CNTNAP2: variants seen among roughly 807,000 people sequenced by gnomAD.
The protein encoded by CNTNAP2 is contactin-associated protein-like 2.
A neutral mutation model predicts 155.2 loss-of-function variants in CNTNAP2; 98 were observed. That is an observed-to-expected ratio of 0.63 (90% confidence interval 0.54 to 0.75). The LOEUF (loss-of-function observed/expected upper bound fraction) is 0.75, where lower values mean the gene tolerates loss of function less well. Among genes scored for constraint, CNTNAP2 ranks in the 30% least tolerant of loss-of-function variants. The pLI is 0.00. For synonymous variants in CNTNAP2, 651 were observed against 631.2 expected (o/e 1.03, Z -0.47); for missense variants, 1,727 against 1,688.1 (o/e 1.02, Z -0.40).
At position 147,849,065 on chromosome 7, in the gene CNTNAP2, T is replaced by C. The variant is rs1023555809; in HGVS notation, c.2099-54500T>C. ...TTCAGTAAAATTTCTCCTAGAGGTA[T>C]AGTAAATATGATTGATTTAATACAT... On this transcript the variant is annotated intron_variant, in intron 13 of 23. Coordinates refer to ENST00000361727, the MANE Select transcript of CNTNAP2 (RefSeq NM_014141.6). 2.0e-5 allele frequency among the ~76,000 whole-genome samples: 3 copies of C among 152,304 alleles called. No homozygotes were observed. In the East Asian group the frequency reaches 5.8e-4, roughly 29 times the overall value.
intron 10 of CNTNAP2, among the ~76,000 whole-genome samples, chr7:147,397,024 T>A (rs971688289): frequency 6.6e-6 from 1 of 152,048 alleles, no homozygotes; most frequent in Non-Finnish European, 1.5e-5. Flanking sequence ...TAAGTTTGCT[T>A]TCATAAAATC....
intron 9 of CNTNAP2, among the ~76,000 whole-genome samples, chr7:147,339,438 AC>A (rs1795721546): frequency 6.6e-6 from 1 of 152,122 alleles, no homozygotes; most frequent in Admixed American, 6.6e-5. Context: ...TCTGCTTTCC[AC>A]CATGAGTGGA....
At chr7:147,180,628 C>T (rs963009386) in intron 8 of CNTNAP2, among the ~76,000 whole-genome samples, 1 of 151,994 alleles carries the variant, frequency 6.6e-6, no homozygotes. Context: ...TTAGTAAGAG[C>T]AGCCATTAAA....
At chr7:148,096,951 C>T (rs1803984742) in intron 15 of CNTNAP2, among the ~76,000 whole-genome samples, 1 of 152,100 alleles carries the variant, frequency 6.6e-6, no homozygotes. Context: ...TGGTTAGTGC[C>T]TGACCTTCCT....
intron 14 of CNTNAP2, chr7:147,939,928 T>G (rs1399340648): frequency 6.6e-6 from 1 of 152,102 alleles, no homozygotes; most frequent in Non-Finnish European, 1.5e-5. Flanking sequence ...TTAGTGTCCT[T>G]CGAAGCTATA....
intron 1 of CNTNAP2, among the ~76,000 whole-genome samples, chr7:146,277,169 TGGAAGAAGGAA>T (rs977077545): frequency 6.6e-6 from 1 of 152,124 alleles, no homozygotes; most frequent in Non-Finnish European, 1.5e-5. Context: ...AACCAGAGGC[TGGAAGAAGGAA>T]GGAAGGATCC....
At chr7:147,620,705 G>A (rs890929211) in intron 12 of CNTNAP2, among the ~76,000 whole-genome samples, 2 of 151,684 alleles carry the variant, frequency 1.3e-5, no homozygotes, top group Admixed American at 1.3e-4. Flanking sequence ...GAAAACAAGA[G>A]GAAATAATAA....
intron 1 of CNTNAP2, among the ~76,000 whole-genome samples, chr7:146,305,242 G>T (rs1800688077): frequency 6.6e-6 from 1 of 152,102 alleles, no homozygotes; most frequent in Non-Finnish European, 1.5e-5. Flanking sequence ...AGAGAAGTTT[G>T]TTGTTGCCAG....
chr7:147,611,505 C>T (rs1339646733), intron 12 of CNTNAP2, among the ~76,000 whole-genome samples: 1 of 152,286 alleles, frequency 6.6e-6, no homozygotes, highest in African/African-American at 2.4e-5. Context: ...TATCCTTCTT[C>T]CTAGAAAATG....
At chr7:146,567,453 T>C (rs1423794400) in intron 1 of CNTNAP2, among the ~76,000 whole-genome samples, 1 of 152,192 alleles carries the variant, frequency 6.6e-6, no homozygotes, top group East Asian at 1.9e-4. Flanking sequence ...TAAAAATCTA[T>C]ATAGTCTTAA....
intron 3 of CNTNAP2, among the ~76,000 whole-genome samples, chr7:146,948,789 A>G (rs750754613): frequency 6.6e-6 from 1 of 152,174 alleles, no homozygotes; most frequent in Non-Finnish European, 1.5e-5. Flanking sequence ...GGTGGTGTAC[A>G]TGACAAAGCT....
intron 15 of CNTNAP2, among the ~76,000 whole-genome samples, chr7:148,096,331 A>G: frequency 6.6e-6 from 1 of 151,834 alleles, no homozygotes; most frequent in Non-Finnish European, 1.5e-5. Flanking sequence ...AGTGAAACAT[A>G]GATTAAGGCT....
intron 8 of CNTNAP2, among the ~76,000 whole-genome samples, chr7:147,233,418 A>G (rs1315014969): frequency 6.6e-6 from 1 of 152,158 alleles, no homozygotes; most frequent in Non-Finnish European, 1.5e-5. Flanking sequence ...TTTTAATTCC[A>G]CAATTTAACA....
At chr7:147,467,524 G>A (rs1798141366) in intron 10 of CNTNAP2, among the ~76,000 whole-genome samples, 1 of 152,088 alleles carries the variant, frequency 6.6e-6, no homozygotes, top group Non-Finnish European at 1.5e-5. Context: ...ATAGATACTA[G>A]AGCCTCCAAA....
intron 21 of CNTNAP2, among the ~76,000 whole-genome samples, chr7:148,359,498 G>C (rs1798579592): frequency 6.6e-6 from 1 of 152,206 alleles, no homozygotes; most frequent in African/African-American, 2.4e-5. Flanking sequence ...GTCATTCTTT[G>C]TATGTGTGCC....
intron 8 of CNTNAP2, among the ~76,000 whole-genome samples, chr7:147,272,307 T>C (rs1472361): frequency 0.23 from 34,824 of 151,934 alleles, 4,395 homozygotes; most frequent in Non-Finnish European, 0.27. Context: ...ATAATGTTAG[T>C]TTGCCAAACT....
intron 15 of CNTNAP2, among the ~76,000 whole-genome samples, chr7:148,101,875 T>A (rs974672577): frequency 3.3e-5 from 5 of 152,174 alleles, no homozygotes; most frequent in African/African-American, 1.2e-4. Context: ...AATTCACTTT[T>A]AAAAATATTA....
rs1799015038 is a variant in CNTNAP2 at position 146,604,795 on chromosome 7, A to G, written c.98-169476A>G. 2.1e-5 allele frequency among the ~76,000 whole-genome samples: 3 copies of G among 145,074 alleles called. No individual in the cohort carries two copies. In the South Asian group the frequency reaches 7.0e-4, roughly 34 times the overall value. On this transcript the variant is annotated intron_variant, in intron 1 of 23. Transcript: ENST00000361727. ...TGTAGGGACATGGATGAAATTGGAAATCATCATTCTCAGTAAACTATCGCA... is the reference window on the plus strand; with the variant it reads ...TGTAGGGACATGGATGAAATTGGAAGTCATCATTCTCAGTAAACTATCGCA...
At chr7:147,810,141 ATTC>A (rs1798157428) in intron 13 of CNTNAP2, among the ~76,000 whole-genome samples, 1 of 152,030 alleles carries the variant, frequency 6.6e-6, no homozygotes, top group Non-Finnish European at 1.5e-5. Context: ...TAATTATTTA[ATTC>A]TTCTTCTTAA....
Sources: allele counts gnomAD v4.1 joint callset (sites outside exome capture counted in the v4.1 genomes callset), GRCh38; gene constraint gnomAD v4.1.1; transcripts MANE v1.5; gene names NCBI Gene and HGNC (gene_info 2026-07-23, HGNC 2026-07-21).